The following EML6 variants were observed in gnomAD, a reference collection of about 807,000 sequenced individuals.
EML6 encodes echinoderm microtubule-associated protein-like 6.
EML6 carries 154 observed loss-of-function variants against 240.1 expected under a neutral mutation model. That is an observed-to-expected ratio of 0.64 (90% CI 0.56 to 0.73). EML6 has a LOEUF of 0.73. Among genes scored for constraint, EML6 ranks in the 30% least tolerant of loss-of-function variants. EML6 has a pLI of 0.00. For synonymous variants in EML6, 1,148 were observed against 899.0 expected, an observed-to-expected ratio of 1.28 and a Z score of -4.95; for missense variants, 2,964 against 2,474.6, an observed-to-expected ratio of 1.20 and a Z score of -4.20.
Position 54,960,345 on chromosome 2 carries a change from C to T in EML6, c.4968+11C>T, listed in dbSNP as rs1398745350. 7.1e-6 allele frequency: 11 copies of T among 1,540,858 alleles called. No individual in the cohort carries two copies. The highest frequency in any genetic ancestry group is 9.7e-6 in the Non-Finnish European group (11 of 1,139,872). ...GTGTGCCGTGGAAAAGTGAGCACAG[C>T]CAGCTCCCCTGGGGGCTGGGCCAGG... On this transcript the variant is annotated intron_variant, in intron 35 of 41. Coordinates refer to ENST00000356458, the MANE Select transcript of EML6 (RefSeq NM_001039753.4).
At chr2:54,899,915 A>G in intron 22 of EML6, 133 bp downstream of exon 22, 1 of 888,802 alleles carries the variant, frequency 1.1e-6, no homozygotes, top group South Asian at 1.8e-5. Context: ...TGAGAATTTT[A>G]TATTGGTTGC....
intron 5 of EML6, among the ~76,000 whole-genome samples, chr2:54,825,874 G>C (rs1047096778): frequency 6.6e-6 from 1 of 152,226 alleles, no homozygotes; most frequent in African/African-American, 2.4e-5. Context: ...GTGTAAAATA[G>C]TACAATGTTA....
chr2:54,927,061 C>G (rs1277303751), intron 26 of EML6, among the ~76,000 whole-genome samples: 1 of 152,190 alleles, frequency 6.6e-6, no homozygotes, highest in Non-Finnish European at 1.5e-5. Context: ...TGTTTCCATG[C>G]TTTCTGGAAC....
At chr2:54,753,714 G>A (rs1684276119) in intron 2 of EML6, among the ~76,000 whole-genome samples, 2 of 147,936 alleles carry the variant, frequency 1.4e-5, no homozygotes, top group African/African-American at 5.0e-5. Context: ...GGCTCAAACT[G>A]GAGTGCAGTG....
intron 32 of EML6, among the ~76,000 whole-genome samples, chr2:54,955,800 C>A (rs1420971262): frequency 6.6e-6 from 1 of 152,212 alleles, no homozygotes; most frequent in East Asian, 1.9e-4. Context: ...GGGTTGTGAG[C>A]CAGTGCTGAT....
rs1674678435 is a variant in EML6, at chr2:54,928,484, G to C, written c.3847G>C (p.Glu1283Gln). The change falls in exon 27 of 42, where the codon GAG becomes CAG. Residue 1283 changes from glutamate to glutamine, a missense_variant. Physicochemically the swap from Glu to Gln is conservative, Grantham distance 29 (BLOSUM62 2). Coordinates refer to ENST00000356458, the MANE Select transcript of EML6 (RefSeq NM_001039753.4). ...GGAGAGCAAGCTGGTGGACAGCGAG[G>C]AGTCAGACACCGACGTGGAAGAGGA... is the stretch of plus-strand genomic sequence containing the variant. ...TQESKLVDSE[E>Q]SDTDVEEDGG... The C allele has an allele frequency of 6.5e-7, 1 of 1,547,892 alleles. No homozygotes were observed. The highest frequency in any genetic ancestry group is 8.7e-7 in the Non-Finnish European group (1 of 1,144,594).
rs1677019786 is a variant in EML6, at chr2:54,971,692, G to A, written c.*1597G>A. ...CCAATTCTGTTTTCTGTAACCATGT[G>A]ACTGGTGATGCAGAGTGATAACCAT... On this transcript the variant is annotated 3_prime_UTR_variant, in exon 42 of 42. Transcript: ENST00000356458. 6.6e-6 allele frequency: 1 copy of A among 152,182 alleles called. No homozygotes were observed. Among genetic ancestry groups the A allele is most frequent in the Non-Finnish European group, 1.5e-5 (1 of 68,028 alleles). The allele number at this position is 152,182 out of a possible 1,614,324, so 9.4% of individuals were successfully genotyped here.
chr2:54,752,244 A>G (rs1684208929), intron 2 of EML6, among the ~76,000 whole-genome samples: 1 of 152,236 alleles, frequency 6.6e-6, no homozygotes, highest in Non-Finnish European at 1.5e-5. Context: ...AAATAAGACA[A>G]GAAAGGAAAA....
At chr2:54,893,699 C>G (rs1672602784) in intron 19 of EML6, among the ~76,000 whole-genome samples, 1 of 152,202 alleles carries the variant, frequency 6.6e-6, no homozygotes, top group Admixed American at 6.5e-5. Flanking sequence ...CCTCTGACCT[C>G]CAGTTGAAGC....
At chr2:54,957,152 C>T (rs955735619) in intron 32 of EML6, among the ~76,000 whole-genome samples, 7 of 151,918 alleles carry the variant, frequency 4.6e-5, no homozygotes, top group African/African-American at 1.7e-4. Context: ...GCACAGAGAG[C>T]TTAAATAATT....
Position 54,970,296 on chromosome 2 carries a change from G to A in EML6, c.*201G>A, listed in dbSNP as rs568556401. 2 of 609,994 alleles carry A rather than the reference G, an allele frequency of 3.3e-6. No individual in the cohort carries two copies. The highest frequency in any genetic ancestry group is 1.9e-5 in the South Asian group (1 of 51,716). 37.8% of individuals were successfully genotyped at this position (609,994 alleles called of 1,614,324 possible). On this transcript the variant is annotated 3_prime_UTR_variant, in exon 42 of 42. Transcript: ENST00000356458. ...CAAAACCGTGATGCCACGAAGGAAGGTCAAGTTTTAAAATGTTAAAGACTG... is the reference window on the plus strand; with the variant it reads ...CAAAACCGTGATGCCACGAAGGAAGATCAAGTTTTAAAATGTTAAAGACTG...
chr2:54,851,405 T>G (rs1670081448), intron 10 of EML6, among the ~76,000 whole-genome samples: 1 of 151,978 alleles, frequency 6.6e-6, no homozygotes, highest in African/African-American at 2.4e-5. Flanking sequence ...AGAGTGAGAC[T>G]CCATCTCAAA....
At position 54,962,515 on chromosome 2, in the gene EML6, T is replaced by A; in HGVS notation, c.4969-8T>A. The A allele has an allele frequency of 2.6e-6, 4 of 1,538,110 alleles. No homozygotes were observed. Among genetic ancestry groups the A allele is most frequent in the Non-Finnish European group, 3.5e-6 (4 of 1,139,824 alleles). ...GTCCTTTTTCTAATAGTGTTTCAAT[T>A]ACAACAGGGAAAAATCTTAGTGGGA... On this transcript the variant is annotated splice_region_variant and splice_polypyrimidine_tract_variant and intron_variant, in intron 35 of 41. Coordinates refer to ENST00000356458, the MANE Select transcript of EML6 (RefSeq NM_001039753.4).
chr2:54,823,152 C>T (rs1668408066), intron 5 of EML6, among the ~76,000 whole-genome samples: 2 of 152,166 alleles, frequency 1.3e-5, no homozygotes, highest in African/African-American at 2.4e-5. Flanking sequence ...GCCATTAAAA[C>T]ATTAAGACAG....
intron 24 of EML6, among the ~76,000 whole-genome samples, chr2:54,907,331 AC>A (rs1026774248): frequency 5.3e-5 from 8 of 151,876 alleles, no homozygotes; most frequent in Admixed American, 3.9e-4. Flanking sequence ...AAATGGTGAA[AC>A]CCTATCTCTA....
At chr2:54,943,855 C>T (rs1414843010) in intron 28 of EML6, among the ~76,000 whole-genome samples, 3 of 152,110 alleles carry the variant, frequency 2.0e-5, no homozygotes, top group Admixed American at 6.5e-5. Context: ...ACTTCAAATT[C>T]CAGTGTGTAT....
At chr2:54,901,280 T>C (rs1229203155) in intron 22 of EML6, among the ~76,000 whole-genome samples, 1 of 152,240 alleles carries the variant, frequency 6.6e-6, no homozygotes, top group Non-Finnish European at 1.5e-5. Context: ...TGCTTAACAC[T>C]ATTTCCCTCT....
intron 5 of EML6, among the ~76,000 whole-genome samples, chr2:54,826,705 G>T (rs960661531): frequency 1.3e-5 from 2 of 152,084 alleles, no homozygotes; most frequent in African/African-American, 4.8e-5. Flanking sequence ...CTTTGTGTAT[G>T]GTCTTCTACA....
intron 28 of EML6, among the ~76,000 whole-genome samples, chr2:54,939,206 C>A (rs1573183742): frequency 6.6e-6 from 1 of 152,244 alleles, no homozygotes; most frequent in African/African-American, 2.4e-5. Context: ...ATCTCTGCTT[C>A]TAAGCAGTTG....
Sources: allele counts gnomAD v4.1 joint callset (sites outside exome capture counted in the v4.1 genomes callset), GRCh38; gene constraint gnomAD v4.1.1; transcripts MANE v1.5; gene names NCBI Gene and HGNC (gene_info 2026-07-23, HGNC 2026-07-21).